The following HLCS variants were observed in gnomAD, a reference collection of about 807,000 sequenced individuals.
HLCS encodes biotin--protein ligase.
In HLCS, 53 loss-of-function variants were observed where a neutral mutation model predicts 75.0. The ratio of observed to expected loss-of-function variants is 0.71; its 90% CI spans 0.57 to 0.89. The LOEUF is 0.89. HLCS is among the 40% of genes least tolerant of loss of function. The pLI, the probability that HLCS is intolerant of heterozygous loss-of-function variation, is 0.00. For missense variants in HLCS, 966 were observed against 1,074.0 expected (o/e 0.90, Z 1.41); for synonymous variants, 431 against 428.6 (o/e 1.01, Z -0.07).
At chr21:36,975,529 C>T (rs1284631289) in intron 1 of HLCS, among the ~76,000 whole-genome samples, 2 of 152,208 alleles carry the variant, frequency 1.3e-5, no homozygotes, top group Non-Finnish European at 2.9e-5. Context: ...CCTGCCCCCA[C>T]CCCAGAAAGT....
intron 6 of HLCS, among the ~76,000 whole-genome samples, chr21:36,874,468 A>G (rs981027169): frequency 2.6e-5 from 4 of 152,106 alleles, no homozygotes; most frequent in Admixed American, 2.6e-4. Context: ...GTGCAGATCT[A>G]TTTCCAGGGT....
At chr21:36,823,044 C>T (rs1021070721) in intron 6 of HLCS, among the ~76,000 whole-genome samples, 14 of 152,116 alleles carry the variant, frequency 9.2e-5, no homozygotes, top group South Asian at 4.1e-4. Flanking sequence ...GTTAAAGCAC[C>T]GCCAAATACA....
At chr21:36,872,784 T>A (rs766452053) in intron 6 of HLCS, among the ~76,000 whole-genome samples, 1 of 152,254 alleles carries the variant, frequency 6.6e-6, no homozygotes, top group Non-Finnish European at 1.5e-5. Flanking sequence ...AATAAGCTTC[T>A]ATGAATACGA....
At chr21:36,983,200 T>A (rs181370707) in intron 1 of HLCS, among the ~76,000 whole-genome samples, 1 of 152,004 alleles carries the variant, frequency 6.6e-6, no homozygotes, top group East Asian at 2.0e-4. Flanking sequence ...TTTCTTCTTT[T>A]TTAATGTTTG....
intron 6 of HLCS, among the ~76,000 whole-genome samples, chr21:36,887,808 C>G (rs2064537978): frequency 6.6e-6 from 1 of 152,188 alleles, no homozygotes; most frequent in Non-Finnish European, 1.5e-5. Context: ...GCTAATATCC[C>G]ATTAATTTGG....
intron 6 of HLCS, among the ~76,000 whole-genome samples, chr21:36,835,598 C>T (rs1228321981): frequency 3.9e-5 from 6 of 152,176 alleles, no homozygotes. Context: ...AGGAGCTCCA[C>T]TCTCACTGGC....
chr21:36,860,758 G>A (rs2063356585), intron 6 of HLCS, among the ~76,000 whole-genome samples: 1 of 152,210 alleles, frequency 6.6e-6, no homozygotes, highest in African/African-American at 2.4e-5. Context: ...TAGATGCTGT[G>A]TATGAATGGA....
At chr21:36,869,177 T>G (rs2063683669) in intron 6 of HLCS, among the ~76,000 whole-genome samples, 1 of 152,094 alleles carries the variant, frequency 6.6e-6, no homozygotes, top group African/African-American at 2.4e-5. Flanking sequence ...CAGGCTGGAG[T>G]GCAGTGGTGC....
intron 6 of HLCS, among the ~76,000 whole-genome samples, chr21:36,882,802 A>T (rs2064287762): frequency 6.6e-6 from 1 of 151,828 alleles, no homozygotes; most frequent in Non-Finnish European, 1.5e-5. Flanking sequence ...TAAATTCTGT[A>T]TGCACATATT....
chr21:36,799,992 G>A (rs975003887), intron 6 of HLCS, among the ~76,000 whole-genome samples: 34 of 152,140 alleles, frequency 2.2e-4, no homozygotes, highest in African/African-American at 4.1e-4. Flanking sequence ...AAATCCAGCC[G>A]TCCCTCTTTC....
At chr21:36,989,889 C>T (rs2069313259) in intron 1 of HLCS, among the ~76,000 whole-genome samples, 2 of 152,036 alleles carry the variant, frequency 1.3e-5, no homozygotes, top group South Asian at 4.1e-4. Context: ...CGAGCCAGCC[C>T]GGGTCCCGCA....
chr21:36,838,971 T>C (rs2062520208), intron 6 of HLCS, among the ~76,000 whole-genome samples: 1 of 152,210 alleles, frequency 6.6e-6, no homozygotes, highest in South Asian at 2.1e-4. Flanking sequence ...GCTGCCAGTT[T>C]GCAGGAATTT....
chr21:36,769,136 G>T (rs1167518525), intron 6 of HLCS, among the ~76,000 whole-genome samples: 2 of 152,222 alleles, frequency 1.3e-5, no homozygotes, highest in Non-Finnish European at 2.9e-5. Flanking sequence ...AGAACAAAGA[G>T]AAATGATTAA....
chr21:36,983,913 G>A (rs1042084642), intron 1 of HLCS, among the ~76,000 whole-genome samples: 3 of 151,756 alleles, frequency 2.0e-5, no homozygotes, highest in Non-Finnish European at 4.4e-5. Flanking sequence ...ATAGCTCACT[G>A]TAGCCTCAAA....
intron 6 of HLCS, among the ~76,000 whole-genome samples, chr21:36,797,387 T>C (rs1160067706): frequency 6.6e-6 from 1 of 151,638 alleles, no homozygotes; most frequent in Non-Finnish European, 1.5e-5. Context: ...AGAAATAATA[T>C]TTATTTTTTA....
chr21:36,958,649 C>T lies in HLCS; in HGVS notation c.330+3387G>A, dbSNP rs1021722474. On this transcript the variant is annotated intron_variant, in intron 2 of 10. Coordinates refer to ENST00000674895, the MANE Select transcript of HLCS (RefSeq NM_001352514.2). ...GCTAAAATACAAACAATTAGCTGGG[C>T]GTGGCAGCGTGCGCCTGTAGTCCCA... Among the ~76,000 whole-genome samples the T allele has an allele frequency of 4.0e-5, 6 of 151,524 alleles. No individual in the cohort carries two copies. In the South Asian group the frequency reaches 6.3e-4, roughly 16 times the overall value.
At chr21:36,986,131 C>T (rs923275455) in intron 1 of HLCS, among the ~76,000 whole-genome samples, 1 of 152,074 alleles carries the variant, frequency 6.6e-6, no homozygotes, top group Non-Finnish European at 1.5e-5. Context: ...CGGGAGTGGG[C>T]TCCTGATAAA....
intron 6 of HLCS, among the ~76,000 whole-genome samples, 156 bp from the exon 7 acceptor site, chr21:36,767,441 T>C (rs2090080358): frequency 6.6e-6 from 1 of 152,114 alleles, no homozygotes; most frequent in Admixed American, 6.6e-5. Flanking sequence ...TGTGGAGCCA[T>C]GAGGGATATC....
intron 6 of HLCS, among the ~76,000 whole-genome samples, chr21:36,773,858 A>C (rs1162096535): frequency 6.6e-6 from 1 of 152,236 alleles, no homozygotes; most frequent in Non-Finnish European, 1.5e-5. Context: ...GCCGAACTTC[A>C]TTTCAGAACT....
Sources: allele counts gnomAD v4.1 joint callset (sites outside exome capture counted in the v4.1 genomes callset), GRCh38; gene constraint gnomAD v4.1.1; transcripts MANE v1.5; gene names NCBI Gene and HGNC (gene_info 2026-07-23, HGNC 2026-07-21).